The following TTLL1 variants were observed in gnomAD, a reference collection of about 807,000 sequenced individuals.
TTLL1 encodes the protein TTL family tubulin polyglutamylase complex subunit L1, also known as polyglutamylase complex subunit TTLL1.
A neutral mutation model predicts 47.8 loss-of-function variants in TTLL1; 33 were observed. The observed-to-expected ratio is 0.69, with a 90% CI of 0.52 to 0.92. The LOEUF (loss-of-function observed/expected upper bound fraction) is 0.92, where lower values mean the gene tolerates loss of function less well. Among genes scored for constraint, TTLL1 ranks in the 40% least tolerant of loss-of-function variants. The pLI, the probability that TTLL1 is intolerant of heterozygous loss-of-function variation, is 0.00. For missense variants in TTLL1, 488 were observed against 547.5 expected (o/e 0.89, Z 1.08); for synonymous variants, 225 against 214.1 (o/e 1.05, Z -0.45).
intron 1 of TTLL1, among the ~76,000 whole-genome samples, chr22:43,088,376 G>A (rs372981479): frequency 8.7e-6 from 1 of 114,330 alleles, no homozygotes; most frequent in African/African-American, 3.4e-5. Flanking sequence ...TCGCTCTGTC[G>A]CCCAGGCTGG....
In TTLL1 at chr22:43,075,400, T is replaced by C. The variant is rs1344120387; in HGVS notation, c.113+74A>G. 3.2e-6 allele frequency: 4 copies of C among 1,266,798 alleles called. No individual in the cohort carries two copies. The Admixed American group carries it at 6.9e-5, about 22-fold the overall frequency. 78.5% of individuals were successfully genotyped at this position (1,266,798 alleles called of 1,614,324 possible). A position where few individuals can be genotyped will look rare whatever the true frequency, so the allele number is the denominator to read the frequency against. On this transcript the variant is annotated intron_variant, in intron 3 of 10. Coordinates refer to ENST00000266254, the MANE Select transcript of TTLL1 (RefSeq NM_012263.5). ...AGACAGTGGCTCTGAGGCCACTCTC[T>C]GGGAGGCACTGGAATTAGTAAAACC...
At chr22:43,083,702 T>C (rs1929048237) in intron 1 of TTLL1, among the ~76,000 whole-genome samples, 1 of 145,512 alleles carries the variant, frequency 6.9e-6, no homozygotes, top group South Asian at 2.2e-4. Context: ...CACTGCAGCC[T>C]GGGCAACAAG....
chr22:43,088,934 T>C (rs1047353777), intron 1 of TTLL1, among the ~76,000 whole-genome samples: 60 of 152,096 alleles, frequency 3.9e-4, no homozygotes, highest in African/African-American at 1.3e-3. Context: ...ACAGGTACAT[T>C]GCGCCCTGCA....
At chr22:43,074,761 C>A (rs942836643) in intron 3 of TTLL1, among the ~76,000 whole-genome samples, 1 of 151,900 alleles carries the variant, frequency 6.6e-6, no homozygotes, top group Non-Finnish European at 1.5e-5. Context: ...TATTCATGGC[C>A]GGACATGGTG....
In TTLL1 at chr22:43,039,699, C is replaced by T. The variant is rs1411718452; in HGVS notation, c.*77G>A. Reference sequence around the variant, plus strand: ...GGCTTAGGAAAGGAAAAAAGCTCTACAAAAGGGAAATTTCAAAATAGGGCT... The same window carrying T: ...GGCTTAGGAAAGGAAAAAAGCTCTATAAAAGGGAAATTTCAAAATAGGGCT... On this transcript the variant is annotated 3_prime_UTR_variant, in exon 11 of 11. Coordinates refer to ENST00000266254, the MANE Select transcript of TTLL1 (RefSeq NM_012263.5). 1.4e-6 allele frequency: 2 copies of T among 1,479,196 alleles called. No homozygotes were observed. The highest frequency in any genetic ancestry group is 1.4e-5 in the African/African-American group (1 of 70,310). The allele number at this position is 1,479,196 out of a possible 1,614,324, so 91.6% of individuals were successfully genotyped here.
chr22:43,085,851 A>G (rs1421632302), intron 1 of TTLL1, among the ~76,000 whole-genome samples: 1 of 152,184 alleles, frequency 6.6e-6, no homozygotes, highest in African/African-American at 2.4e-5. Flanking sequence ...TGCCTCCCAC[A>G]TTAGATAGCA....
At chr22:43,084,703 G>A (rs1210064597) in intron 1 of TTLL1, among the ~76,000 whole-genome samples, 2 of 151,770 alleles carry the variant, frequency 1.3e-5, no homozygotes, top group African/African-American at 4.8e-5. Flanking sequence ...GGGTTTCACC[G>A]TGTTAGCCAG....
At position 43,046,466 on chromosome 22, in the gene TTLL1, T is replaced by G; in HGVS notation, c.1086A>C (p.Pro362=). ...LNIAVPNGEI[P]DCKWNKSPPK... is the part of the protein sequence containing the mutation. ...GTGGCGACTTGTTCCATTTGCAGTC[T>G]GGGATTTCACCATTCGGGACGGCGA... Residue 362 remains proline (P), a synonymous_variant, in exon 10 of 11, where the codon CCA becomes CCC. Transcript: ENST00000266254. The G allele has an allele frequency of 6.2e-7, 1 of 1,614,102 alleles. No individual in the cohort carries two copies. Among genetic ancestry groups the G allele is most frequent in the Non-Finnish European group, 8.5e-7 (1 of 1,180,032 alleles).
chr22:43,072,281 G>A (rs1303414914), intron 3 of TTLL1, among the ~76,000 whole-genome samples: 2 of 151,248 alleles, frequency 1.3e-5, no homozygotes, highest in African/African-American at 4.9e-5. Flanking sequence ...AGCCTCCCGA[G>A]TAGCTGGGAC....
intron 8 of TTLL1, among the ~76,000 whole-genome samples, chr22:43,057,687 T>C (rs563143070): frequency 6.4e-4 from 95 of 148,796 alleles, no homozygotes; most frequent in Non-Finnish European, 1.1e-3. Context: ...GAACAGACCA[T>C]ACTTGCCCTC....
chr22:43,059,114 C>T (rs373162267), intron 8 of TTLL1, among the ~76,000 whole-genome samples: 2 of 152,314 alleles, frequency 1.3e-5, no homozygotes, highest in South Asian at 2.1e-4. Flanking sequence ...CTCAGCCTCC[C>T]CAGTAGCTGG....
chr22:43,089,124 A>G lies in TTLL1; in HGVS notation c.-90+153T>C, dbSNP rs991449919. ...ACGGTGGTTAGCGCGGGCTTCCTGGAGGACGCGGATCCGGCAAGCAGCATC... is the reference window on the plus strand; with the variant it reads ...ACGGTGGTTAGCGCGGGCTTCCTGGGGGACGCGGATCCGGCAAGCAGCATC... On this transcript the variant is annotated intron_variant, in intron 1 of 10. Transcript: ENST00000266254. Among the ~76,000 whole-genome samples, 8 of 152,190 alleles carry G rather than the reference A, an allele frequency of 5.3e-5. No homozygotes were observed. The South Asian group carries it at 1.7e-3, about 31-fold the overall frequency.
intron 1 of TTLL1, among the ~76,000 whole-genome samples, chr22:43,086,900 A>G (rs934425187): frequency 6.6e-6 from 1 of 152,186 alleles, no homozygotes; most frequent in East Asian, 1.9e-4. Context: ...ACTACCCCAC[A>G]GTAGCTTCAT....
At chr22:43,077,039 T>G (rs1928551593) in intron 2 of TTLL1, among the ~76,000 whole-genome samples, 1 of 151,798 alleles carries the variant, frequency 6.6e-6, no homozygotes, top group Non-Finnish European at 1.5e-5. Flanking sequence ...AGGCGGAGAT[T>G]GCAGTGAGCG....
intron 9 of TTLL1, among the ~76,000 whole-genome samples, chr22:43,050,045 C>T (rs149751289): frequency 2.0e-5 from 3 of 151,628 alleles, no homozygotes; most frequent in African/African-American, 7.3e-5. Flanking sequence ...TGCAGTGAGC[C>T]GAGATTGCGC....
intron 3 of TTLL1, among the ~76,000 whole-genome samples, chr22:43,072,006 G>A (rs939785241): frequency 1.3e-5 from 2 of 152,192 alleles, no homozygotes; most frequent in Admixed American, 6.5e-5. Flanking sequence ...TTCCAACAGA[G>A]GAATTGGCCT....
chr22:43,054,513 C>T (rs1180838238), intron 8 of TTLL1, among the ~76,000 whole-genome samples: 2 of 151,754 alleles, frequency 1.3e-5, no homozygotes, highest in East Asian at 3.9e-4. Context: ...CAAATTCCAC[C>T]TCCCAGGTTC....
At chr22:43,084,350 A>G (rs1929089651) in intron 1 of TTLL1, among the ~76,000 whole-genome samples, 1 of 151,626 alleles carries the variant, frequency 6.6e-6, no homozygotes, top group African/African-American at 2.4e-5. Flanking sequence ...GGGTTTCACC[A>G]TGTTGTCCAG....
chr22:43,081,072 C>T (rs150212309), intron 1 of TTLL1, among the ~76,000 whole-genome samples: 201 of 151,780 alleles, frequency 1.3e-3, no homozygotes, highest in African/African-American at 4.6e-3. Context: ...CCCATCACCA[C>T]GCCTGGTTAA....
Sources: allele counts gnomAD v4.1 joint callset (sites outside exome capture counted in the v4.1 genomes callset), GRCh38; gene constraint gnomAD v4.1.1; transcripts MANE v1.5; gene names NCBI Gene and HGNC (gene_info 2026-07-23, HGNC 2026-07-21).